Variants in CFAP221 observed in about 807,000 individuals in gnomAD.
CFAP221 encodes the protein cilia- and flagella-associated protein 221.
In CFAP221, 97 loss-of-function variants were observed where a neutral mutation model predicts 113.1. That is an observed-to-expected ratio of 0.86 (90% CI 0.73 to 1.02). CFAP221 has a LOEUF of 1.02. Among genes scored for constraint, CFAP221 ranks in the 50% least tolerant of loss-of-function variants. CFAP221 has a pLI of 0.00. For missense variants in CFAP221, 1,025 were observed against 1,013.4 expected, an observed-to-expected ratio of 1.01 and a Z score of -0.16; for synonymous variants, 331 against 354.4, an observed-to-expected ratio of 0.93 and a Z score of 0.74.
intron 11 of CFAP221, 93 bp downstream of exon 11, chr2:119,605,382 CT>C: frequency 1.1e-6 from 1 of 947,054 alleles, no homozygotes; most frequent in Non-Finnish European, 1.6e-6. Flanking sequence ...ATGTAATAAC[CT>C]TTTAGGTACT....
intron 7 of CFAP221, among the ~76,000 whole-genome samples, chr2:119,599,176 C>T (rs897763748): frequency 6.6e-5 from 10 of 152,116 alleles, no homozygotes; most frequent in Admixed American, 2.0e-4. Flanking sequence ...AGGAAATTGA[C>T]GAAGACCTAT....
intron 6 of CFAP221, among the ~76,000 whole-genome samples, chr2:119,584,487 T>G: frequency 6.6e-6 from 1 of 151,802 alleles, no homozygotes; most frequent in Non-Finnish European, 1.5e-5. Context: ...CTCAGGAGAC[T>G]GAGGTGGGAG....
At chr2:119,570,401 T>C (rs1418777789) in intron 6 of CFAP221, among the ~76,000 whole-genome samples, 1 of 152,232 alleles carries the variant, frequency 6.6e-6, no homozygotes, top group Non-Finnish European at 1.5e-5. Context: ...AATTCACATA[T>C]GATAAAATTT....
At chr2:119,546,025 A>G in intron 1 of CFAP221, 60 bp from the exon 2 acceptor site, 1 of 1,233,672 alleles carries the variant, frequency 8.1e-7, no homozygotes, top group Non-Finnish European at 1.1e-6. Flanking sequence ...TTATCAAAGA[A>G]AGAGAAAAAA....
intron 6 of CFAP221, among the ~76,000 whole-genome samples, chr2:119,584,917 T>C (rs1490874178): frequency 1.3e-5 from 2 of 152,260 alleles, no homozygotes; most frequent in East Asian, 3.8e-4. Flanking sequence ...ACTTTGCTAC[T>C]AACCAGAAGT....
intron 22 of CFAP221, among the ~76,000 whole-genome samples, chr2:119,650,532 G>A (rs908323101): frequency 5.9e-5 from 9 of 152,192 alleles, no homozygotes; most frequent in South Asian, 4.1e-4. Context: ...CTTTGAAATG[G>A]GAATAGTTGT....
intron 6 of CFAP221, among the ~76,000 whole-genome samples, chr2:119,577,637 A>C (rs776997631): frequency 8.5e-5 from 13 of 152,176 alleles, no homozygotes; most frequent in Admixed American, 2.0e-4. Context: ...AGATCAGTTT[A>C]TGTATCTATA....
At chr2:119,593,876 C>A (rs565937335) in intron 7 of CFAP221, among the ~76,000 whole-genome samples, 10 of 151,754 alleles carry the variant, frequency 6.6e-5, no homozygotes, top group South Asian at 2.1e-4. Flanking sequence ...ACAAAAAAAA[C>A]CCCACCAGCT....
chr2:119,595,111 CACAG>C (rs1290818166), intron 7 of CFAP221, among the ~76,000 whole-genome samples: 3 of 152,250 alleles, frequency 2.0e-5, no homozygotes, highest in Admixed American at 2.0e-4. Context: ...GGTCCAAGGT[CACAG>C]ACAGTGGGCA....
chr2:119,658,618 C>T (rs113324847), downstream of CFAP221, among the ~76,000 whole-genome samples: 36 of 149,922 alleles, frequency 2.4e-4, no homozygotes, highest in East Asian at 1.2e-3. Context: ...CCCCTCAACA[C>T]GCACACACAC....
At chr2:119,603,298 TA>T (rs1684489915) in intron 8 of CFAP221, among the ~76,000 whole-genome samples, 1 of 152,178 alleles carries the variant, frequency 6.6e-6, no homozygotes, top group African/African-American at 2.4e-5. Flanking sequence ...CCCCCAGGTT[TA>T]GTTGCTCCCC....
rs540707267 is a variant in CFAP221, at chr2:119,588,029, A to G, written c.631+807A>G. ...TTTATATTGCAAAAAACAGGACTTGATTCTCTTTTCAGAGAGAAGAGGTTT... is the reference window on the plus strand; with the variant it reads ...TTTATATTGCAAAAAACAGGACTTGGTTCTCTTTTCAGAGAGAAGAGGTTT... On this transcript the variant is annotated intron_variant, in intron 7 of 23. Coordinates refer to ENST00000413369, the MANE Select transcript of CFAP221 (RefSeq NM_001271049.2). 1.6e-4 allele frequency among the ~76,000 whole-genome samples: 25 copies of G among 152,314 alleles called. 1 individual carries two copies. The highest frequency in any genetic ancestry group is 5.5e-4 in the African/African-American group (23 of 41,578).
chr2:119,593,577 C>G (rs555340467), intron 7 of CFAP221, among the ~76,000 whole-genome samples: 3 of 152,106 alleles, frequency 2.0e-5, no homozygotes, highest in Non-Finnish European at 4.4e-5. Flanking sequence ...TGGTGGCTTA[C>G]GCCTGTAATC....
At chr2:119,575,073 A>G (rs942723360) in intron 6 of CFAP221, among the ~76,000 whole-genome samples, 1 of 152,198 alleles carries the variant, frequency 6.6e-6, no homozygotes, top group African/African-American at 2.4e-5. Context: ...TGGGTCATTT[A>G]GCTCTGAGGA....
intron 14 of CFAP221, among the ~76,000 whole-genome samples, chr2:119,620,778 A>G (rs1022408671): frequency 1.7e-4 from 26 of 152,204 alleles, no homozygotes; most frequent in African/African-American, 5.8e-4. Flanking sequence ...AAGTGCCCCA[A>G]TTAAAAGATA....
In CFAP221 at chr2:119,582,464, T is replaced by C. The variant is rs1682917029; in HGVS notation, c.528-4655T>C. On this transcript the variant is annotated intron_variant, in intron 6 of 23. Coordinates refer to ENST00000413369, the MANE Select transcript of CFAP221 (RefSeq NM_001271049.2). ...TCAATAAGTAAGACATATCTTTTTT[T>C]TTTTTTTTTTGACAGGGCCTGTGCT... Among the ~76,000 whole-genome samples the C allele has an allele frequency of 2.0e-5, 3 of 151,696 alleles. No homozygotes were observed. In the South Asian group the frequency reaches 6.3e-4, roughly 32 times the overall value.
At chr2:119,621,980 A>G (rs1685953142) in intron 14 of CFAP221, among the ~76,000 whole-genome samples, 1 of 150,852 alleles carries the variant, frequency 6.6e-6, no homozygotes, top group South Asian at 2.1e-4. Context: ...GAAAATAACT[A>G]GACAAGCTAG....
intron 14 of CFAP221, among the ~76,000 whole-genome samples, chr2:119,620,402 A>G (rs1685822423): frequency 6.6e-6 from 1 of 152,114 alleles, no homozygotes; most frequent in Non-Finnish European, 1.5e-5. Flanking sequence ...CTCTGCAGAA[A>G]CCCTACAAGA....
chr2:119,586,057 G>A (rs918491904), intron 6 of CFAP221, among the ~76,000 whole-genome samples: 2 of 152,196 alleles, frequency 1.3e-5, no homozygotes, highest in African/African-American at 4.8e-5. Context: ...GAGACCAGAA[G>A]CTAAAAGGAT....
Sources: gnomAD v4.1 joint callset for allele counts (sites outside exome capture counted in the v4.1 genomes callset) on GRCh38, gnomAD v4.1.1 for gene constraint, MANE v1.5 for transcripts, NCBI Gene and HGNC (gene_info 2026-07-23, HGNC 2026-07-21) for gene names.